Variants in EFHB observed in about 807,000 individuals in gnomAD.
EFHB encodes EF-hand domain family member B.
Under a neutral mutation model 87.2 loss-of-function variants are expected in EFHB, and 91 were observed. The ratio of observed to expected loss-of-function variants is 1.04; its 90% confidence interval spans 0.88 to 1.24. The LOEUF is 1.24. Ranked by LOEUF, EFHB falls within the 50% of genes most tolerant of loss-of-function variation. EFHB has a pLI of 0.00. For missense variants in EFHB, 1,084 were observed against 998.8 expected, an observed-to-expected ratio of 1.09 and a Z score of -1.15; for synonymous variants, 325 against 333.6, an observed-to-expected ratio of 0.97 and a Z score of 0.28.
At chr3:19,885,734 C>T (rs532777807) in intron 10 of EFHB, among the ~76,000 whole-genome samples, 2 of 152,218 alleles carry the variant, frequency 1.3e-5, no homozygotes, top group Admixed American at 6.5e-5. Flanking sequence ...CATTCCTCCC[C>T]GCAACCCCAC....
At chr3:19,906,483 G>T (rs1420352797) in intron 5 of EFHB, among the ~76,000 whole-genome samples, 1 of 151,888 alleles carries the variant, frequency 6.6e-6, no homozygotes, top group Non-Finnish European at 1.5e-5. Context: ...AAATACTTAG[G>T]AATAAACTTA....
In EFHB at chr3:19,933,279, C is replaced by G; in HGVS notation, c.740G>C (p.Arg247Thr). ...AAAAAACTTCCCAGAGTATATGGGT[C>G]TGATGCGATCTGGAGGTTCCACTCC... ...ESGVEPPDRI[R>T]PIYSGKFFDR... The change falls in exon 1 of 13, where the codon AGA (arginine) becomes ACA (threonine). Residue 247 changes from arginine to threonine, a missense_variant. Coordinates refer to ENST00000295824, the MANE Select transcript of EFHB (RefSeq NM_144715.4). 1 of 1,614,028 alleles carries G rather than the reference C, an allele frequency of 6.2e-7. No homozygotes were observed.
rs1491303647 is a variant in EFHB at position 19,924,217 on chromosome 3, T to TC, written c.790-3651_790-3650insG. On this transcript the variant is annotated intron_variant, in intron 1 of 12. Transcript: ENST00000295824. ...AAGTTTTCTTTTCTCTCTCTCTCTC[T>TC]TTTTTTTTTTTTTTGAGACAGAGTC... 1.7e-3 allele frequency among the ~76,000 whole-genome samples: 246 copies of TC among 140,706 alleles called. 1 individual carries two copies. The highest frequency in any genetic ancestry group is 4.5e-3 in the South Asian group (20 of 4,418). 92.3% of individuals were successfully genotyped at this position (140,706 alleles called of 152,430 possible). A position where few individuals can be genotyped will look rare whatever the true frequency, so the allele number is the denominator to read the frequency against.
At chr3:19,881,671 G>A (rs960071221) in intron 12 of EFHB, among the ~76,000 whole-genome samples, 13 of 152,066 alleles carry the variant, frequency 8.5e-5, no homozygotes, top group African/African-American at 2.4e-4. Flanking sequence ...TCCTGCGTCC[G>A]TGTGAAAGAA....
Position 19,915,304 on chromosome 3 carries a change from T to A in EFHB, c.1287A>T (p.Ala429=). The A allele has an allele frequency of 2.5e-6, 4 of 1,603,678 alleles. No homozygotes were observed. The highest frequency in any genetic ancestry group is 3.4e-6 in the Non-Finnish European group (4 of 1,173,926). Residue 429 remains alanine, a splice_region_variant and synonymous_variant, in exon 5 of 13, where the codon GCA becomes GCT. Coordinates refer to ENST00000295824, the MANE Select transcript of EFHB (RefSeq NM_144715.4). The part of the protein sequence containing the change: ...LYVVSHNDYY[A]GEAKNRKYNP... ...CATTTTGCATCGGAGGACACTTACCTGCATAATAATCATTGTGAGAAACAA... is the reference window on the plus strand; with the variant it reads ...CATTTTGCATCGGAGGACACTTACCAGCATAATAATCATTGTGAGAAACAA...
rs752446819 is a variant in EFHB at position 19,882,579 on chromosome 3, C to G, written c.2299G>C (p.Asp767His). ...TCTTTTGATCTGGTCTTGAAGAAGT[C>G]TCTTTCAAACACTCCTTTCCGGGCA... Reference protein sequence around the residue: ...IFARKGVFERDFFKTRSKEEI... With the variant: ...IFARKGVFERHFFKTRSKEEI... The change falls in exon 12 of 13, where the codon GAC becomes CAC. Residue 767 changes from aspartate to histidine, a missense_variant. Asp to His is a moderately conservative substitution (Grantham distance 81). Coordinates refer to ENST00000295824, the MANE Select transcript of EFHB (RefSeq NM_144715.4). 1 of 1,608,860 alleles carries G rather than the reference C, an allele frequency of 6.2e-7. No homozygotes were observed. Among genetic ancestry groups the G allele is most frequent in the South Asian group, 1.1e-5 (1 of 90,096 alleles).
chr3:19,918,834 G>T (rs550359234), intron 3 of EFHB, among the ~76,000 whole-genome samples: 292 of 148,138 alleles, frequency 2.0e-3, no homozygotes, highest in African/African-American at 7.0e-3. Flanking sequence ...AAAAAAATTA[G>T]CCGGGTGTGC....
chr3:19,921,504 A>C (rs1003354469), intron 1 of EFHB, among the ~76,000 whole-genome samples: 6 of 152,120 alleles, frequency 3.9e-5, no homozygotes, highest in Admixed American at 3.9e-4. Flanking sequence ...GATTAGATAC[A>C]TGAAGAAGGA....
rs2125167233 is a variant in EFHB, at chr3:19,933,274, T to C, written c.745A>G (p.Ile249Val). The C allele has an allele frequency of 6.2e-7, 1 of 1,613,996 alleles. No individual in the cohort carries two copies. The change falls in exon 1 of 13, where the codon ATA becomes GTA. Residue 249 changes from isoleucine to valine, a missense_variant. Ile to Val is a conservative substitution (Grantham distance 29, BLOSUM62 3). Transcript: ENST00000295824. The stretch of plus-strand genomic sequence containing the variant: ...CGATCAAAAAACTTCCCAGAGTATA[T>C]GGGTCTGATGCGATCTGGAGGTTCC... ...GVEPPDRIRP[I>V]YSGKFFDRTP...
chr3:19,913,169 G>T (rs184485528), intron 5 of EFHB, among the ~76,000 whole-genome samples: 7 of 152,118 alleles, frequency 4.6e-5, no homozygotes, highest in Admixed American at 1.3e-4. Flanking sequence ...AAGACTGAAA[G>T]TTCTTCCTTC....
Position 19,933,433 on chromosome 3 carries a change from G to A in EFHB, c.586C>T (p.Leu196=), listed in dbSNP as rs1559475799. 2.5e-6 allele frequency: 4 copies of A among 1,614,008 alleles called. No individual in the cohort carries two copies. The highest frequency in any genetic ancestry group is 3.4e-6 in the Non-Finnish European group (4 of 1,179,896). ...IKLPVEVDIG[L]TQAEGPDETK... is the part of the protein sequence containing the mutation. Reference sequence around the variant, plus strand: ...TCATCTGGCCCCTCGGCTTGGGTTAGTCCAATGTCCACCTCCACAGGAAGC... The same window carrying A: ...TCATCTGGCCCCTCGGCTTGGGTTAATCCAATGTCCACCTCCACAGGAAGC... The change falls in exon 1 of 13, where the codon CTA becomes TTA. Residue 196 remains leucine, a synonymous_variant. Transcript: ENST00000295824.
intron 5 of EFHB, among the ~76,000 whole-genome samples, chr3:19,911,580 A>G (rs1695064350): frequency 6.6e-6 from 1 of 151,762 alleles, no homozygotes; most frequent in Non-Finnish European, 1.5e-5. Flanking sequence ...CAAAACAACA[A>G]CAACAAACAA....
intron 5 of EFHB, among the ~76,000 whole-genome samples, chr3:19,907,936 ATATT>A (rs1694893145): frequency 6.6e-6 from 1 of 152,184 alleles, no homozygotes. Context: ...GGAGAAATGG[ATATT>A]CTCATACTCT....
In EFHB at chr3:19,933,709, G is replaced by A; in HGVS notation, c.310C>T (p.Leu104=). 1 of 1,613,976 alleles carries A rather than the reference G, an allele frequency of 6.2e-7. No individual in the cohort carries two copies. Among genetic ancestry groups the A allele is most frequent in the Non-Finnish European group, 8.5e-7 (1 of 1,179,884 alleles). ...TCTAACCCCATTCTTCCTGGCAACAGAGAAGGTTTTGTTCCCTGTGAAGCT... is the reference window on the plus strand; with the variant it reads ...TCTAACCCCATTCTTCCTGGCAACAAAGAAGGTTTTGTTCCCTGTGAAGCT... ...VSASQGTKPS[L]LPGRMGLENE... Residue 104 remains leucine (L), a synonymous_variant, in exon 1 of 13, where the codon CTG becomes TTG. Transcript: ENST00000295824.
Position 19,905,686 on chromosome 3 carries a change from G to T in EFHB, c.1352C>A (p.Pro451Gln). Residue 451 changes from proline (P) to glutamine (Q), a missense_variant, in exon 6 of 13, where the codon CCA becomes CAA. Coordinates refer to ENST00000295824, the MANE Select transcript of EFHB (RefSeq NM_144715.4). Reference sequence around the variant, plus strand: ...TCGTCCATCATTAAAATGTGGTGTTGGTACTCCATACACACTACACCTATG... The same window carrying T: ...TCGTCCATCATTAAAATGTGGTGTTTGTACTCCATACACACTACACCTATG... ...SFHRCSVYGV[P>Q]TPHFNDGRAM... 6.2e-7 allele frequency: 1 copy of T among 1,613,528 alleles called. No homozygotes were observed. The highest frequency in any genetic ancestry group is 8.5e-7 in the Non-Finnish European group (1 of 1,179,668).
In EFHB at chr3:19,918,546, CT is replaced by C. The variant is rs111758758; in HGVS notation, c.997-135del. 0.011 allele frequency: 9,164 copies of C among 852,218 alleles called. 538 individuals carry two copies. The African/African-American group carries it at 0.13, about 12-fold the overall frequency. 52.8% of individuals were successfully genotyped at this position (852,218 alleles called of 1,614,324 possible). A position where few individuals can be genotyped will look rare whatever the true frequency, so the allele number is the denominator to read the frequency against. On this transcript the variant is annotated intron_variant, in intron 3 of 12. Coordinates refer to ENST00000295824, the MANE Select transcript of EFHB (RefSeq NM_144715.4). ...CATTTCATTATCATTATTGGCTTTG[CT>C]CACCTTCAAATGAACTGTCAGAATT... is the stretch of plus-strand genomic sequence containing the variant.
intron 5 of EFHB, among the ~76,000 whole-genome samples, chr3:19,914,532 T>C (rs1335736870): frequency 6.6e-6 from 1 of 152,126 alleles, no homozygotes; most frequent in African/African-American, 2.4e-5. Context: ...TAAGACAAGA[T>C]CGCTAATAAT....
intron 10 of EFHB, among the ~76,000 whole-genome samples, chr3:19,886,463 G>A (rs1031164320): frequency 2.0e-5 from 3 of 151,732 alleles, no homozygotes; most frequent in Admixed American, 6.6e-5. Flanking sequence ...ATTAAGGTAG[G>A]CTGGATGCAG....
chr3:19,882,970 C>T (rs1400091382), intron 11 of EFHB, among the ~76,000 whole-genome samples: 1 of 151,506 alleles, frequency 6.6e-6, no homozygotes, highest in Non-Finnish European at 1.5e-5. Context: ...TTAATTTCAC[C>T]TGTTTCTTTT....
Sources: allele counts gnomAD v4.1 joint callset (sites outside exome capture counted in the v4.1 genomes callset), GRCh38; gene constraint gnomAD v4.1.1; transcripts MANE v1.5; gene names NCBI Gene and HGNC (gene_info 2026-07-23, HGNC 2026-07-21).